C2CD3: variants seen among roughly 807,000 people sequenced by gnomAD.
The protein encoded by C2CD3 is C2 domain-containing protein 3.
Under a neutral mutation model 234.0 loss-of-function variants are expected in C2CD3, and 148 were observed. The ratio of observed to expected loss-of-function variants is 0.63; its 90% CI spans 0.55 to 0.72. C2CD3 has a LOEUF of 0.72. C2CD3 is among the 30% of genes least tolerant of loss of function. The probability of loss-of-function intolerance (pLI) is 0.00; values close to 1 mark genes in which losing one functional copy is unlikely to be tolerated. For synonymous variants in C2CD3, 1,000 were observed against 1,035.4 expected (o/e 0.97, Z 0.66); for missense variants, 2,577 against 2,811.5 (o/e 0.92, Z 1.89).
rs576487975 is a variant in C2CD3 at position 74,042,574 on chromosome 11, G to A, written c.5496-356C>T. On this transcript the variant is annotated intron_variant, in intron 28 of 32. Transcript: ENST00000334126. The stretch of plus-strand genomic sequence containing the variant: ...TCGAGACCAGCCTGGTCAATATGGC[G>A]AAACCCTGTCCCTACTAAAAGCACA... Among the ~76,000 whole-genome samples the A allele has an allele frequency of 9.9e-5, 15 of 152,056 alleles. No individual in the cohort carries two copies. The East Asian group carries it at 2.7e-3, about 27-fold the overall frequency.
At chr11:74,083,467 C>T (rs1431064937) in intron 22 of C2CD3, among the ~76,000 whole-genome samples, 1 of 152,204 alleles carries the variant, frequency 6.6e-6, no homozygotes, top group East Asian at 1.9e-4. Context: ...TAAAGAGCTT[C>T]TGCACAGCAA....
In C2CD3 at chr11:74,013,462, G is replaced by A; in HGVS notation, c.6985C>T (p.Leu2329Phe). The A allele has an allele frequency of 1.4e-6, 2 of 1,433,162 alleles. No individual in the cohort carries two copies. The highest frequency in any genetic ancestry group is 1.5e-5 in the South Asian group (1 of 67,942). The allele number at this position is 1,433,162 out of a possible 1,614,324, so 88.8% of individuals were successfully genotyped here. ...QRPCRPRPNS[L>F]PLNLPEEETL... is the part of the protein sequence containing the mutation. Reference sequence around the variant, plus strand: ...TCTTCCTCAGGCAGGTTGAGGGGGAGCGAGTTAGGTCTGGGGCGACAAGGC... The same window carrying A: ...TCTTCCTCAGGCAGGTTGAGGGGGAACGAGTTAGGTCTGGGGCGACAAGGC... The change falls in exon 33 of 33, where the codon CTC (leucine) becomes TTC (phenylalanine). Residue 2329 changes from leucine (L) to phenylalanine (F), a missense_variant. Transcript: ENST00000334126.
chr11:74,037,600 G>C lies in C2CD3; in HGVS notation c.5759C>G (p.Ser1920Ter). The C allele has an allele frequency of 1.2e-6, 2 of 1,614,076 alleles. No individual in the cohort carries two copies. The highest frequency in any genetic ancestry group is 8.5e-7 in the Non-Finnish European group (1 of 1,179,966). Residue 1920 changes from serine to a stop codon, truncating the protein, a stop_gained, in exon 30 of 33, where the codon TCA becomes TGA. Coordinates refer to ENST00000334126, the MANE Select transcript of C2CD3 (RefSeq NM_001286577.2). LOFTEE classifies it high-confidence loss of function. ...GTCCCTACAGCTCTCCTGGTGCTGT[G>C]AGATGGCCGTTTGAGTCTGAGGGCT... Reference protein sequence around the residue: ...PLSPQTQTAISQHQESCRDHL... With the variant: ...PLSPQTQTAI
At chr11:74,087,613 A>T (rs1955699399) in intron 20 of C2CD3, among the ~76,000 whole-genome samples, 1 of 152,152 alleles carries the variant, frequency 6.6e-6, no homozygotes, top group Admixed American at 6.5e-5. Context: ...TGTAAAGATA[A>T]CATTAGATAA....
rs1188432134 is a variant in C2CD3 at position 74,084,974 on chromosome 11, T to A, written c.3911-4A>T. 3.1e-6 allele frequency: 5 copies of A among 1,593,518 alleles called. No homozygotes were observed. In the African/African-American group the frequency reaches 6.7e-5, roughly 21 times the overall value. ...TCAATACTGATTATATCACTTGCTG[T>A]TAAATCAAGCAAAAAAGAAAAATTA... is the stretch of plus-strand genomic sequence containing the variant. On this transcript the variant is annotated splice_polypyrimidine_tract_variant and splice_region_variant and intron_variant, in intron 21 of 32. Transcript: ENST00000334126.
intron 21 of C2CD3, chr11:74,085,392 G>T: frequency 1.9e-6 from 1 of 526,130 alleles, no homozygotes; most frequent in African/African-American, 1.9e-5. Context: ...CCTTCATCTC[G>T]ATACACCCAT....
At position 74,116,917 on chromosome 11, in the gene C2CD3, T is replaced by C. The variant is rs58882073; in HGVS notation, c.1520+1311A>G. 9.7e-3 allele frequency among the ~76,000 whole-genome samples: 1,128 copies of C among 116,782 alleles called. 63 individuals are homozygous for C. The highest frequency in any genetic ancestry group is 0.035 in the African/African-American group (870 of 25,138). 76.6% of individuals were successfully genotyped at this position (116,782 alleles called of 152,430 possible). ...ATATATACACACGTGTATGTATATA[T>C]ACATATACACGTGTATATACACATA... On this transcript the variant is annotated intron_variant, in intron 9 of 32. Transcript: ENST00000334126.
chr11:74,166,673 A>G (rs569080670), intron 2 of C2CD3, among the ~76,000 whole-genome samples: 13 of 152,306 alleles, frequency 8.5e-5, no homozygotes, highest in African/African-American at 3.1e-4. Flanking sequence ...ACTGTCTGGC[A>G]TTGCTCAATA....
At chr11:74,094,078 A>C in intron 17 of C2CD3, 79 bp from the exon 18 acceptor site, 1 of 1,179,242 alleles carries the variant, frequency 8.5e-7, no homozygotes, top group Non-Finnish European at 1.2e-6. Context: ...CTTCCAGTGA[A>C]TATTACTTAG....
chr11:74,021,900 C>T (rs1952102726), intron 32 of C2CD3, among the ~76,000 whole-genome samples: 1 of 152,064 alleles, frequency 6.6e-6, no homozygotes, highest in Non-Finnish European at 1.5e-5. Context: ...CTGAGGCGGG[C>T]AGATCACTTG....
At chr11:74,135,469 G>C (rs1957831423) in intron 5 of C2CD3, among the ~76,000 whole-genome samples, 1 of 152,150 alleles carries the variant, frequency 6.6e-6, no homozygotes. Flanking sequence ...AAGACAGGAA[G>C]ATTATCTTGG....
Position 74,049,534 on chromosome 11 carries a change from T to C in C2CD3, c.5164A>G (p.Arg1722Gly), listed in dbSNP as rs747307101. 1 of 1,611,850 alleles carries C rather than the reference T, an allele frequency of 6.2e-7. No individual in the cohort carries two copies. Among genetic ancestry groups the C allele is most frequent in the Non-Finnish European group, 8.5e-7 (1 of 1,179,748 alleles). ...TCCACCGAGGCAAAGCCAATCACCC[T>C]CTCCTCATCTGTAGAGGAAAGAGAA... is the stretch of plus-strand genomic sequence containing the variant. The part of the protein sequence containing the change: ...FKVWHKGDEE[R>G]VIGFASVDLS... Residue 1722 changes from arginine (R) to glycine (G), a missense_variant, in exon 27 of 33, where the codon AGG becomes GGG. Coordinates refer to ENST00000334126, the MANE Select transcript of C2CD3 (RefSeq NM_001286577.2).
At position 74,103,181 on chromosome 11, in the gene C2CD3, T is replaced by C; in HGVS notation, c.2530A>G (p.Arg844Gly). The C allele has an allele frequency of 6.2e-7, 1 of 1,614,192 alleles. No homozygotes were observed. The highest frequency in any genetic ancestry group is 8.5e-7 in the Non-Finnish European group (1 of 1,179,974). ...CKLFSTEEVT[R>G]SVIAWGTTQP... ...GTTGTGCCCCATGCGATGACAGATC[T>C]GGTGACTTCCTCTGTGCTGAAGAGT... Residue 844 changes from arginine (R) to glycine (G), a missense_variant, in exon 14 of 33, where the codon AGA (arginine) becomes GGA (glycine). By Grantham distance (125) the Arg-to-Gly change is moderately radical. Coordinates refer to ENST00000334126, the MANE Select transcript of C2CD3 (RefSeq NM_001286577.2).
intron 9 of C2CD3, among the ~76,000 whole-genome samples, chr11:74,116,119 T>C (rs747105787): frequency 1.2e-4 from 18 of 151,888 alleles, no homozygotes; most frequent in Non-Finnish European, 1.9e-4. Context: ...CAAAGATAAA[T>C]AGATGGGACT....
Position 74,106,399 on chromosome 11 carries a change from T to G in C2CD3, c.2057A>C (p.Asn686Thr). Residue 686 changes from asparagine to threonine, a missense_variant, in exon 13 of 33, where the codon AAT (asparagine) becomes ACT (threonine). Coordinates refer to ENST00000334126, the MANE Select transcript of C2CD3 (RefSeq NM_001286577.2). ...GAGGGGGCCAAATGGAGACTGACCATTTTCTTGTTGCACTGGAAGCTGATC... is the reference window on the plus strand; with the variant it reads ...GAGGGGGCCAAATGGAGACTGACCAGTTTCTTGTTGCACTGGAAGCTGATC... ...FSDQLPVQQENGQSPFGPLKV... is the reference protein window; with the variant it reads ...FSDQLPVQQETGQSPFGPLKV... 6.2e-7 allele frequency: 1 copy of G among 1,614,118 alleles called. No homozygotes were observed. Among genetic ancestry groups the G allele is most frequent in the Non-Finnish European group, 8.5e-7 (1 of 1,179,986 alleles).
chr11:74,036,297 A>G (rs1427424906), intron 30 of C2CD3: 1 of 350,012 alleles, frequency 2.9e-6, no homozygotes, highest in Non-Finnish European at 5.7e-6. Flanking sequence ...TTGGTTGACT[A>G]TAGAATATAA....
At chr11:74,041,845 G>A (rs951002706) in intron 29 of C2CD3, among the ~76,000 whole-genome samples, 4 of 152,138 alleles carry the variant, frequency 2.6e-5, no homozygotes, top group Non-Finnish European at 4.4e-5. Flanking sequence ...CCCCCTGAAG[G>A]AATGGAAGGT....
At chr11:74,144,607 C>G (rs189849035) in intron 3 of C2CD3, among the ~76,000 whole-genome samples, 1 of 152,266 alleles carries the variant, frequency 6.6e-6, no homozygotes, top group East Asian at 1.9e-4. Context: ...TCTTCCCACT[C>G]TCCTCCTTCA....
At chr11:74,049,744 G>A (rs1345255482) in intron 26 of C2CD3, among the ~76,000 whole-genome samples, 1 of 152,098 alleles carries the variant, frequency 6.6e-6, no homozygotes. Context: ...CTGTATGGTG[G>A]GAAAAAGCTG....
Sources: gnomAD v4.1 joint callset for allele counts (sites outside exome capture counted in the v4.1 genomes callset) on GRCh38, gnomAD v4.1.1 for gene constraint, MANE v1.5 for transcripts, NCBI Gene and HGNC (gene_info 2026-07-23, HGNC 2026-07-21) for gene names.